The following LIPH variants were observed in gnomAD, a reference collection of about 807,000 sequenced individuals.
LIPH encodes lipase member H.
In LIPH, 32 loss-of-function variants were observed where a neutral mutation model predicts 47.6. The observed-to-expected ratio is 0.67, with a 90% CI of 0.51 to 0.90. The LOEUF (loss-of-function observed/expected upper bound fraction) is 0.90. Among genes scored for constraint, LIPH ranks in the 40% least tolerant of loss-of-function variants. LIPH has a pLI of 0.00. For synonymous variants in LIPH, 190 were observed against 195.6 expected (o/e 0.97, Z 0.24); for missense variants, 497 against 541.4 (o/e 0.92, Z 0.81).
intron 1 of LIPH, among the ~76,000 whole-genome samples, chr3:185,540,477 G>A (rs1021623538): frequency 6.6e-6 from 1 of 152,006 alleles, no homozygotes; most frequent in Non-Finnish European, 1.5e-5. Flanking sequence ...CAGCACTTTG[G>A]GAGGCCAAGG....
At chr3:185,529,965 G>GAAAGAAAGAGA (rs1553823294) in intron 3 of LIPH, among the ~76,000 whole-genome samples, 2 of 103,036 alleles carry the variant, frequency 1.9e-5, no homozygotes, top group African/African-American at 8.5e-5. Flanking sequence ...AAAGAAAGAA[G>GAAAGAAAGAGA]GAAAGAAAGA....
At position 185,522,306 on chromosome 3, in the gene LIPH, T is replaced by A. The variant is rs76157769; in HGVS notation, c.718+1765A>T. On this transcript the variant is annotated intron_variant, in intron 5 of 9. Transcript: ENST00000296252. ...CACATGGCAACCCTCATTACTGAAG[T>A]GTTGTTGTCAGCTGTGTCTGCCGTA... Among the ~76,000 whole-genome samples the A allele has an allele frequency of 1.6e-3, 246 of 152,210 alleles. 1 individual carries two copies. The highest frequency in any genetic ancestry group is 5.7e-3 in the African/African-American group (237 of 41,524).
At chr3:185,548,280 C>T (rs181947599) in intron 1 of LIPH, among the ~76,000 whole-genome samples, 2 of 151,608 alleles carry the variant, frequency 1.3e-5, no homozygotes, top group Admixed American at 1.3e-4. Context: ...TGGTGGGCAC[C>T]GGTAGTCCCA....
intron 6 of LIPH, among the ~76,000 whole-genome samples, chr3:185,517,898 G>C (rs1719781284): frequency 6.6e-6 from 1 of 152,174 alleles, no homozygotes; most frequent in Non-Finnish European, 1.5e-5. Context: ...TAACCACCTA[G>C]AATATCTGTA....
At chr3:185,519,377 T>A in intron 5 of LIPH, 68 bp from the exon 6 acceptor site, 3 of 926,372 alleles carry the variant, frequency 3.2e-6, no homozygotes, top group Non-Finnish European at 5.4e-6. Flanking sequence ...TATCACATAT[T>A]CTATACACAC....
chr3:185,515,445 C>G (rs1351377979), intron 7 of LIPH, among the ~76,000 whole-genome samples: 4 of 152,022 alleles, frequency 2.6e-5, no homozygotes, highest in Non-Finnish European at 5.9e-5. Flanking sequence ...CCATACAGAC[C>G]AGGTAGGTGC....
At chr3:185,529,905 GAAAA>G (rs1720258030) in intron 3 of LIPH, among the ~76,000 whole-genome samples, 1 of 118,422 alleles carries the variant, frequency 8.4e-6, no homozygotes, top group South Asian at 2.6e-4. Flanking sequence ...AAGAGAGAAA[GAAAA>G]GAAAGAAAGA....
intron 3 of LIPH, among the ~76,000 whole-genome samples, chr3:185,528,241 A>C (rs1288461307): frequency 1.3e-5 from 2 of 151,096 alleles, no homozygotes; most frequent in Non-Finnish European, 2.9e-5. Context: ...AGAGAGAGAG[A>C]GAGAGAAAGA....
chr3:185,537,124 A>T (rs1411981685), intron 1 of LIPH, among the ~76,000 whole-genome samples: 2 of 152,214 alleles, frequency 1.3e-5, no homozygotes, highest in East Asian at 3.8e-4. Context: ...ACCTCGGGTG[A>T]TCCGCCTGCC....
intron 4 of LIPH, 136 bp downstream of exon 4, chr3:185,527,348 T>G (rs1263619157): frequency 2.7e-6 from 2 of 746,624 alleles, no homozygotes; most frequent in East Asian, 5.1e-5. Context: ...AATATTTCGG[T>G]GGATTTGGAA....
chr3:185,519,862 AAAAAAAGAC>A, intron 5 of LIPH, among the ~76,000 whole-genome samples: 1 of 150,516 alleles, frequency 6.6e-6, no homozygotes, highest in Non-Finnish European at 1.5e-5. Context: ...AAAAAAAAAA[AAAAAAAGAC>A]CTTGATTGCT....
At chr3:185,539,250 A>G (rs1720625293) in intron 1 of LIPH, among the ~76,000 whole-genome samples, 1 of 152,044 alleles carries the variant, frequency 6.6e-6, no homozygotes, top group Non-Finnish European at 1.5e-5. Flanking sequence ...TACAGGCGTG[A>G]GCCACTGTGC....
chr3:185,511,229 T>G (rs924128633), intron 9 of LIPH, among the ~76,000 whole-genome samples: 1 of 148,360 alleles, frequency 6.7e-6, no homozygotes, highest in African/African-American at 2.5e-5. Context: ...TTTTGGGTTG[T>G]TTTTTTTTTC....
intron 3 of LIPH, among the ~76,000 whole-genome samples, chr3:185,531,371 A>T (rs1720325370): frequency 6.6e-6 from 1 of 151,720 alleles, no homozygotes; most frequent in Non-Finnish European, 1.5e-5. Context: ...ACATGGCGAA[A>T]CTCCATCTCT....
chr3:185,535,211 T>C, intron 1 of LIPH, 79 bp from the exon 2 acceptor site: 1 of 1,531,492 alleles, frequency 6.5e-7, no homozygotes, highest in East Asian at 2.2e-5. Context: ...TCTATATTTG[T>C]AGGAGTTCTT....
At chr3:185,528,192 G>A (rs957142810) in intron 3 of LIPH, among the ~76,000 whole-genome samples, 7 of 150,136 alleles carry the variant, frequency 4.7e-5, no homozygotes, top group East Asian at 3.9e-4. Flanking sequence ...CCAGCCTGGC[G>A]GCAGAGCAAG....
At chr3:185,529,418 C>CTTTTTTT (rs550163991) in intron 3 of LIPH, among the ~76,000 whole-genome samples, 1 of 135,070 alleles carries the variant, frequency 7.4e-6, no homozygotes, top group Non-Finnish European at 1.6e-5. Flanking sequence ...TTTTCTTTTT[C>CTTTTTTT]TTTTTTTTTT....
rs781687890 is a variant in LIPH, at chr3:185,533,628, C to T, written c.469G>A (p.Ala157Thr). Residue 157 changes from alanine to threonine, a missense_variant, in exon 3 of 10, where the codon GCC becomes ACC. Transcript: ENST00000296252. ...DIYMIGVSLG[A>T]HISGFVGEMY... ...TCTCCAACAAACCCAGATATGTGGG[C>T]TCCTAGACTTACTCCGATCATGTAA... 2 of 1,613,904 alleles carry T rather than the reference C, an allele frequency of 1.2e-6. No homozygotes were observed. The highest frequency in any genetic ancestry group is 1.7e-5 in the Admixed American group (1 of 59,990).
In LIPH at chr3:185,533,699, A is replaced by G; in HGVS notation, c.418-20T>C. ...TTCTGCCTGGAATTTCAAGAGGTCC[A>G]TCATTGTAAATTGTAAGGGGCCAAG... On this transcript the variant is annotated intron_variant, in intron 2 of 9. Transcript: ENST00000296252. 6.7e-7 allele frequency: 1 copy of G among 1,499,452 alleles called. No individual in the cohort carries two copies. Among genetic ancestry groups the G allele is most frequent in the South Asian group, 1.1e-5 (1 of 88,702 alleles). The allele number at this position is 1,499,452 out of a possible 1,614,324, so 92.9% of individuals were successfully genotyped here. A position where few individuals can be genotyped will look rare whatever the true frequency, so the allele number is the denominator to read the frequency against.
Sources: gnomAD v4.1 joint callset for allele counts (sites outside exome capture counted in the v4.1 genomes callset) on GRCh38, gnomAD v4.1.1 for gene constraint, MANE v1.5 for transcripts, NCBI Gene and HGNC (gene_info 2026-07-23, HGNC 2026-07-21) for gene names.